SCHIP1: variants seen among roughly 807,000 people sequenced by gnomAD.
SCHIP1 encodes schwannomin interacting protein 1, also known as schwannomin-interacting protein 1.
In SCHIP1, 8 loss-of-function variants were observed where a neutral mutation model predicts 29.7. That is an observed-to-expected ratio of 0.27 (90% confidence interval 0.16 to 0.49). The LOEUF is 0.49. Ranked by LOEUF, SCHIP1 falls within the 20% of genes least tolerant of loss-of-function variation. The probability of loss-of-function intolerance (pLI) is 0.99; values close to 1 mark genes in which losing one functional copy is unlikely to be tolerated. For synonymous variants in SCHIP1, 76 were observed against 94.9 expected (o/e 0.80, Z 1.16); for missense variants, 193 against 294.6 (o/e 0.66, Z 2.52).
the SCHIP1 span, among the ~76,000 whole-genome samples, chr3:159,782,782 C>T: frequency 5.3e-5 from 8 of 152,228 alleles, no homozygotes; most frequent in African/African-American, 1.9e-4. Flanking sequence ...ATCAAGCTAG[C>T]TGCTCCTTGT....
chr3:159,453,778 A>C, the SCHIP1 span, among the ~76,000 whole-genome samples: 1 of 152,144 alleles, frequency 6.6e-6, no homozygotes, highest in Non-Finnish European at 1.5e-5. Flanking sequence ...ACCCACCTAC[A>C]TGTAGCTTGT....
the SCHIP1 span, among the ~76,000 whole-genome samples, chr3:159,551,894 AT>A: frequency 0.021 from 3,195 of 152,292 alleles, 103 homozygotes; most frequent in African/African-American, 0.073. Flanking sequence ...AGAATATGGG[AT>A]TAAGATTTAC....
At chr3:159,402,496 G>A in the SCHIP1 span, among the ~76,000 whole-genome samples, 30 of 152,120 alleles carry the variant, frequency 2.0e-4, 1 homozygote, top group African/African-American at 7.2e-4. Context: ...ATTTATTGTG[G>A]CATTATTCAC....
At chr3:159,422,142 G>A in the SCHIP1 span, among the ~76,000 whole-genome samples, 1 of 151,930 alleles carries the variant, frequency 6.6e-6, no homozygotes, top group Non-Finnish European at 1.5e-5. Context: ...TGTCTGGTGT[G>A]CTTTTCAATA....
At chr3:159,574,888 T>C in the SCHIP1 span, among the ~76,000 whole-genome samples, 1 of 152,230 alleles carries the variant, frequency 6.6e-6, no homozygotes, top group African/African-American at 2.4e-5. Context: ...AACAAGGCTC[T>C]GTGGGCATGG....
the SCHIP1 span, among the ~76,000 whole-genome samples, chr3:159,432,487 A>G: frequency 1.9e-4 from 29 of 152,272 alleles, no homozygotes; most frequent in Admixed American, 1.8e-3. Flanking sequence ...TTCCCTATGT[A>G]GAGACACACT....
the SCHIP1 span, among the ~76,000 whole-genome samples, chr3:159,757,717 G>A: frequency 3.3e-5 from 5 of 152,310 alleles, no homozygotes; most frequent in East Asian, 9.7e-4. Flanking sequence ...CAGAGAGCTA[G>A]CTGCAGGGAT....
At chr3:159,606,801 TCTC>T in the SCHIP1 span, among the ~76,000 whole-genome samples, 1 of 152,106 alleles carries the variant, frequency 6.6e-6, no homozygotes, top group Admixed American at 6.6e-5. Context: ...TATCTTGACT[TCTC>T]CTGTCCTCCA....
the SCHIP1 span, among the ~76,000 whole-genome samples, chr3:159,558,112 G>A: frequency 1.3e-5 from 2 of 152,254 alleles, no homozygotes; most frequent in South Asian, 4.1e-4. Context: ...AGGTGCCTGT[G>A]GAACCAGGTA....
the SCHIP1 span, among the ~76,000 whole-genome samples, chr3:159,673,140 C>T: frequency 6.6e-6 from 1 of 152,194 alleles, no homozygotes; most frequent in Admixed American, 6.5e-5. Flanking sequence ...TCCCAGTTGT[C>T]CAGTGACACA....
At chr3:159,323,311 A>G in the SCHIP1 span, among the ~76,000 whole-genome samples, 29 of 152,316 alleles carry the variant, frequency 1.9e-4, no homozygotes, top group Admixed American at 1.8e-3. Context: ...GTAATTTTGC[A>G]TACTAGTTTT....
chr3:159,680,174 C>T, the SCHIP1 span, among the ~76,000 whole-genome samples: 1,674 of 151,848 alleles, frequency 0.011, 30 homozygotes, highest in African/African-American at 0.038. Flanking sequence ...ACAATAGGCA[C>T]GCAAAAAATG....
the SCHIP1 span, among the ~76,000 whole-genome samples, chr3:159,815,071 C>T: frequency 2.0e-5 from 3 of 152,288 alleles, no homozygotes; most frequent in East Asian, 5.8e-4. Flanking sequence ...TTGCTGCGGA[C>T]ACCCTCCATG....
chr3:159,462,870 C>T, the SCHIP1 span, among the ~76,000 whole-genome samples: 1 of 152,056 alleles, frequency 6.6e-6, no homozygotes. Context: ...ATGTTCATTA[C>T]AGTCAAGTCT....
At chr3:159,369,174 T>G in the SCHIP1 span, among the ~76,000 whole-genome samples, 8 of 152,300 alleles carry the variant, frequency 5.3e-5, no homozygotes, top group Middle Eastern at 3.4e-3. Context: ...CAATTTTCAG[T>G]TTTTTAGTCC....
chr3:159,618,887 G>T, the SCHIP1 span, among the ~76,000 whole-genome samples: 8,069 of 152,266 alleles, frequency 0.053, 517 homozygotes, highest in East Asian at 0.17. Flanking sequence ...AAGCCACATG[G>T]CCTAGGCCGT....
At chr3:159,337,569 C>T in the SCHIP1 span, among the ~76,000 whole-genome samples, 1 of 152,032 alleles carries the variant, frequency 6.6e-6, no homozygotes, top group Non-Finnish European at 1.5e-5. Context: ...AACAGAGCGC[C>T]AAATCACGAG....
At chr3:159,751,268 T>C in the SCHIP1 span, among the ~76,000 whole-genome samples, 29 of 152,158 alleles carry the variant, frequency 1.9e-4, no homozygotes, top group African/African-American at 2.4e-5. Flanking sequence ...TTTTAAAAGG[T>C]TGCTTTAAAA....
chr3:159,746,951 C>T, the SCHIP1 span, among the ~76,000 whole-genome samples: 1 of 152,176 alleles, frequency 6.6e-6, no homozygotes, highest in Non-Finnish European at 1.5e-5. Context: ...GAGTTAAACA[C>T]CTCTCCAATA....
Sources: allele counts gnomAD v4.1 joint callset (sites outside exome capture counted in the v4.1 genomes callset), GRCh38; gene constraint gnomAD v4.1.1; transcripts MANE v1.5; gene names NCBI Gene and HGNC (gene_info 2026-07-23, HGNC 2026-07-21).